Variants in SLC16A12 observed in about 807,000 individuals in gnomAD.
SLC16A12 encodes solute carrier family 16 member 12.
SLC16A12 carries 17 observed loss-of-function variants against 42.4 expected under a neutral mutation model. The ratio of observed to expected loss-of-function variants is 0.40; its 90% confidence interval spans 0.27 to 0.60. The LOEUF is 0.60. SLC16A12 is among the 20% of genes least tolerant of loss of function. The pLI is 0.42. For synonymous variants in SLC16A12, 224 were observed against 229.4 expected, an observed-to-expected ratio of 0.98 and a Z score of 0.21; for missense variants, 544 against 623.0, an observed-to-expected ratio of 0.87 and a Z score of 1.35.
At chr10:89,450,838 AT>A (rs1353885326) in intron 3 of SLC16A12, among the ~76,000 whole-genome samples, 1 of 152,230 alleles carries the variant, frequency 6.6e-6, no homozygotes, top group African/African-American at 2.4e-5. Flanking sequence ...AGAAATAATT[AT>A]TTTAATCTTT....
Position 89,532,188 on chromosome 10 carries a change from T to A in SLC16A12, c.-47+2313A>T, listed in dbSNP as rs1843565826. Among the ~76,000 whole-genome samples the A allele has an allele frequency of 2.0e-5, 3 of 152,206 alleles. No individual in the cohort carries two copies. The South Asian group carries it at 6.2e-4, about 32-fold the overall frequency. On this transcript the variant is annotated intron_variant, in intron 2 of 7. Coordinates refer to ENST00000371790, the MANE Select transcript of SLC16A12 (RefSeq NM_213606.4). The stretch of plus-strand genomic sequence containing the variant: ...ACACTAATTAAATAATTAATTAATT[T>A]CATGCAACATCTTACCTGGCTACAG...
chr10:89,520,709 G>A (rs1564598008), intron 2 of SLC16A12, among the ~76,000 whole-genome samples: 1 of 125,452 alleles, frequency 8.0e-6, no homozygotes, highest in Non-Finnish European at 1.6e-5. Context: ...CCATTACTGG[G>A]TCACATAGGC....
At chr10:89,443,263 T>A (rs1168127735) in intron 4 of SLC16A12, among the ~76,000 whole-genome samples, 1 of 152,180 alleles carries the variant, frequency 6.6e-6, no homozygotes, top group African/African-American at 2.4e-5. Context: ...ATGAGCCAAA[T>A]GTCAAGCCCT....
chr10:89,453,413 G>A (rs969445638), intron 3 of SLC16A12, among the ~76,000 whole-genome samples: 1 of 152,150 alleles, frequency 6.6e-6, no homozygotes, highest in African/African-American at 2.4e-5. Context: ...ATTCAGACAT[G>A]TACCACATAA....
At chr10:89,455,907 C>CAGTG (rs1842181469) in intron 3 of SLC16A12, among the ~76,000 whole-genome samples, 2 of 152,192 alleles carry the variant, frequency 1.3e-5, no homozygotes, top group Admixed American at 1.3e-4. Context: ...TAACAACTTT[C>CAGTG]AGTGTTCATA....
chr10:89,500,516 C>A (rs569909354), intron 2 of SLC16A12, among the ~76,000 whole-genome samples: 1 of 152,200 alleles, frequency 6.6e-6, no homozygotes, highest in South Asian at 2.1e-4. Context: ...AAATGTGATA[C>A]ACCGCATAAA....
intron 2 of SLC16A12, among the ~76,000 whole-genome samples, chr10:89,542,507 T>C (rs1843721269): frequency 6.6e-6 from 1 of 152,162 alleles, no homozygotes; most frequent in East Asian, 1.9e-4. Context: ...TTTCACCATG[T>C]TGGCCAGGCT....
chr10:89,457,371 T>C (rs904602228), intron 3 of SLC16A12, among the ~76,000 whole-genome samples: 4 of 152,028 alleles, frequency 2.6e-5, no homozygotes, highest in African/African-American at 9.7e-5. Context: ...AACAAACATA[T>C]GAAAAAAGCT....
At chr10:89,503,283 G>A (rs1456787398) in intron 2 of SLC16A12, among the ~76,000 whole-genome samples, 1 of 152,026 alleles carries the variant, frequency 6.6e-6, no homozygotes, top group Non-Finnish European at 1.5e-5. Context: ...GTAAACATAG[G>A]CCTTGTTTTA....
At chr10:89,464,167 A>T (rs7090764) in intron 2 of SLC16A12, among the ~76,000 whole-genome samples, 15,854 of 152,210 alleles carry the variant, frequency 0.1, 908 homozygotes, top group South Asian at 0.2. Context: ...ACAGCAAGAA[A>T]CATGAAGATC....
chr10:89,446,355 G>C (rs929967579), intron 3 of SLC16A12, among the ~76,000 whole-genome samples: 1 of 152,242 alleles, frequency 6.6e-6, no homozygotes, highest in African/African-American at 2.4e-5. Flanking sequence ...GGCAGTCAGA[G>C]AGAAAGGTCG....
chr10:89,488,038 T>G (rs1454361876), intron 2 of SLC16A12, among the ~76,000 whole-genome samples: 1 of 146,982 alleles, frequency 6.8e-6, no homozygotes, highest in Non-Finnish European at 1.5e-5. Flanking sequence ...ATATTAAATA[T>G]ATATGTGTAT....
chr10:89,539,862 T>TTTC (rs1182659183), upstream of SLC16A12, among the ~76,000 whole-genome samples: 48 of 118,808 alleles, frequency 4.0e-4, no homozygotes, highest in African/African-American at 1.5e-3. Context: ...CAAATTTTTC[T>TTTC]TTCTTTCTTT....
At chr10:89,450,606 G>T (rs1000131976) in intron 3 of SLC16A12, among the ~76,000 whole-genome samples, 1 of 152,210 alleles carries the variant, frequency 6.6e-6, no homozygotes, top group Non-Finnish European at 1.5e-5. Flanking sequence ...GGGGCCTGTC[G>T]TGGGGTCAGG....
chr10:89,485,035 CACA>C (rs1417123353), intron 2 of SLC16A12, among the ~76,000 whole-genome samples: 1 of 152,148 alleles, frequency 6.6e-6, no homozygotes, highest in Non-Finnish European at 1.5e-5. Flanking sequence ...GGAGGTGCAG[CACA>C]ACAAGGCTGA....
intron 3 of SLC16A12, among the ~76,000 whole-genome samples, chr10:89,450,452 C>T (rs1329889196): frequency 1.3e-5 from 2 of 152,214 alleles, no homozygotes; most frequent in South Asian, 2.1e-4. Context: ...GAGTTCATGT[C>T]GTTTGTAGGG....
chr10:89,551,247 G>A (rs1053520444), intron 2 of SLC16A12, among the ~76,000 whole-genome samples: 1 of 152,146 alleles, frequency 6.6e-6, no homozygotes, highest in African/African-American at 2.4e-5. Flanking sequence ...TTCGAGACCA[G>A]CCTGGCCAAC....
intron 2 of SLC16A12, among the ~76,000 whole-genome samples, chr10:89,515,245 G>A (rs932630886): frequency 6.6e-6 from 1 of 152,202 alleles, no homozygotes; most frequent in Non-Finnish European, 1.5e-5. Context: ...CATACAGCCT[G>A]TCAGGACTCT....
At chr10:89,551,429 T>A (rs1029389846) in intron 2 of SLC16A12, among the ~76,000 whole-genome samples, 2 of 152,028 alleles carry the variant, frequency 1.3e-5, no homozygotes, top group Middle Eastern at 3.2e-3. Context: ...GGCAATAGAG[T>A]GAGACCCTGT....
Sources: allele counts gnomAD v4.1 joint callset (sites outside exome capture counted in the v4.1 genomes callset), GRCh38; gene constraint gnomAD v4.1.1; transcripts MANE v1.5; gene names NCBI Gene and HGNC (gene_info 2026-07-23, HGNC 2026-07-21).